NAA60: variants seen among roughly 807,000 people sequenced by gnomAD.
NAA60 encodes the protein N-alpha-acetyltransferase 60, NatF catalytic subunit.
NAA60 carries 8 observed loss-of-function variants against 26.1 expected under a neutral mutation model. The observed-to-expected ratio is 0.31, with a 90% CI of 0.18 to 0.55. The LOEUF is 0.55. NAA60 is among the 20% of genes least tolerant of loss of function. NAA60 has a pLI of 0.93. For missense variants in NAA60, 290 were observed against 311.3 expected, an observed-to-expected ratio of 0.93 and a Z score of 0.51; for synonymous variants, 131 against 122.5, an observed-to-expected ratio of 1.07 and a Z score of -0.46.
intron 2 of NAA60, among the ~76,000 whole-genome samples, chr16:3,470,454 CAGG>C (rs1690829484): frequency 6.6e-6 from 1 of 152,236 alleles, no homozygotes; most frequent in African/African-American, 2.4e-5. Flanking sequence ...TGAAATGACC[CAGG>C]GCGTCAGCAG....
chr16:3,478,693 G>C (rs961561759), intron 3 of NAA60, among the ~76,000 whole-genome samples: 5 of 152,150 alleles, frequency 3.3e-5, no homozygotes, highest in African/African-American at 1.2e-4. Context: ...CCTTAAGGGC[G>C]GGTTCCTCCC....
rs917097994 is a variant in NAA60 at position 3,469,689 on chromosome 16, T to G, written c.-6-6533T>G. Among the ~76,000 whole-genome samples the G allele has an allele frequency of 2.6e-5, 4 of 152,328 alleles. No individual in the cohort carries two copies. In the East Asian group the frequency reaches 7.7e-4, roughly 29 times the overall value. ...CTGCCTGGCGGGGCCTGTCTCTGAC[T>G]TTGCCTTGCTGCTCCCTGTTATCAG... On this transcript the variant is annotated intron_variant, in intron 2 of 7. Transcript: ENST00000407558.
In NAA60 at chr16:3,444,846, A is replaced by C. The variant is rs79024063; in HGVS notation, c.-77+1009A>C. ...CCATCCTAAACTAGTTATTACCAAG[A>C]ATAAATAATTGTTTGGGGCCCATCA... On this transcript the variant is annotated intron_variant, in intron 1 of 7. Coordinates refer to ENST00000407558, the MANE Select transcript of NAA60 (RefSeq NM_001083601.3). Among the ~76,000 whole-genome samples, 548 of 152,322 alleles carry C rather than the reference A, an allele frequency of 3.6e-3. 2 individuals carry two copies. Among genetic ancestry groups the C allele is most frequent in the African/African-American group, 0.012 (519 of 41,568 alleles).
At chr16:3,454,510 T>C (rs1161016293) in intron 2 of NAA60, among the ~76,000 whole-genome samples, 1 of 152,082 alleles carries the variant, frequency 6.6e-6, no homozygotes, top group East Asian at 1.9e-4. Flanking sequence ...AGCAAAACTT[T>C]ATGGAACCAA....
Position 3,448,473 on chromosome 16 carries a change from T to C in NAA60, c.-74T>C, listed in dbSNP as rs563502012. 2 of 1,535,426 alleles carry C rather than the reference T, an allele frequency of 1.3e-6. No homozygotes were observed. Among genetic ancestry groups the C allele is most frequent in the African/African-American group, 1.4e-5 (1 of 73,114 alleles). ...CCTTGTGTCTTTCTCCCCTGCAGCATACAGAAAGGCTGTACCTGGAGGAAG... is the reference window on the plus strand; with the variant it reads ...CCTTGTGTCTTTCTCCCCTGCAGCACACAGAAAGGCTGTACCTGGAGGAAG... On this transcript the variant is annotated splice_region_variant and 5_prime_UTR_variant, in exon 2 of 8. Transcript: ENST00000407558.
chr16:3,463,549 G>A (rs2035548632), intron 2 of NAA60, among the ~76,000 whole-genome samples: 1 of 44,170 alleles, frequency 2.3e-5, no homozygotes, highest in African/African-American at 7.5e-5. Context: ...GAGACCCTGT[G>A]TTAAAAAAAA....
At chr16:3,457,667 C>A (rs1390048790) in intron 2 of NAA60, among the ~76,000 whole-genome samples, 1 of 152,246 alleles carries the variant, frequency 6.6e-6, no homozygotes, top group Non-Finnish European at 1.5e-5. Context: ...AGCCCCGGCG[C>A]TGCAGGCCCT....
intron 2 of NAA60, among the ~76,000 whole-genome samples, chr16:3,462,154 A>G (rs1429629353): frequency 6.6e-6 from 1 of 151,246 alleles, no homozygotes; most frequent in East Asian, 1.9e-4. Flanking sequence ...TAAAAAGCAA[A>G]TGGCATTTCT....
At chr16:3,444,866 C>T (rs957409494) in intron 1 of NAA60, among the ~76,000 whole-genome samples, 7 of 152,154 alleles carry the variant, frequency 4.6e-5, no homozygotes, top group African/African-American at 1.4e-4. Flanking sequence ...TGTTTGGGGC[C>T]CATCATGCTT....
intron 1 of NAA60, among the ~76,000 whole-genome samples, chr16:3,446,621 T>TG: frequency 6.7e-6 from 1 of 148,986 alleles, no homozygotes; most frequent in Non-Finnish European, 1.5e-5. Flanking sequence ...TATTATTTGT[T>TG]TTTTTTTTTT....
chr16:3,450,593 G>A lies in NAA60; in HGVS notation c.-7+2053G>A, dbSNP rs186608947. On this transcript the variant is annotated intron_variant, in intron 2 of 7. Transcript: ENST00000407558. The stretch of plus-strand genomic sequence containing the variant: ...TGGGCACCTGTGGTCCCAGCTACTC[G>A]GGAGGCTGAGGCAGGAGAATGGTGT... Among the ~76,000 whole-genome samples the A allele has an allele frequency of 5.3e-5, 8 of 151,806 alleles. 1 individual carries two copies. The South Asian group carries it at 1.2e-3, about 24-fold the overall frequency.
intron 5 of NAA60, chr16:3,482,913 G>T: frequency 2.0e-6 from 1 of 510,388 alleles, no homozygotes; most frequent in South Asian, 2.2e-5. Flanking sequence ...CGCACAACTC[G>T]TGTATTCACT....
At chr16:3,446,471 C>T (rs1285448124) in intron 1 of NAA60, among the ~76,000 whole-genome samples, 1 of 146,610 alleles carries the variant, frequency 6.8e-6, no homozygotes, top group African/African-American at 2.5e-5. Flanking sequence ...GCGGAGCTTG[C>T]AGTGAGCCGA....
At chr16:3,460,885 T>A (rs1023391059) in intron 2 of NAA60, among the ~76,000 whole-genome samples, 3 of 152,240 alleles carry the variant, frequency 2.0e-5, no homozygotes, top group Non-Finnish European at 2.9e-5. Context: ...GTGCAAAGAA[T>A]GATCCAGGAT....
At chr16:3,457,491 C>A (rs896345033) in intron 2 of NAA60, among the ~76,000 whole-genome samples, 1 of 152,200 alleles carries the variant, frequency 6.6e-6, no homozygotes, top group South Asian at 2.1e-4. Flanking sequence ...ACCCCTACAA[C>A]CGGAGGGCAG....
At chr16:3,482,641 C>G (rs760849632) in intron 5 of NAA60, 43 bp downstream of exon 5, 2 of 1,408,956 alleles carry the variant, frequency 1.4e-6, no homozygotes, top group African/African-American at 1.5e-5. Context: ...ACCCCACCCC[C>G]TTGCCCTACC....
rs956476950 is a variant in NAA60 at position 3,485,896 on chromosome 16, G to A, written c.*636G>A. On this transcript the variant is annotated 3_prime_UTR_variant, in exon 8 of 8. Coordinates refer to ENST00000407558, the MANE Select transcript of NAA60 (RefSeq NM_001083601.3). ...TGAGGCTCAGCCCCCTGGCACAGGC[G>A]GTCACGCATCAGGACGGTTCCTACT... is the stretch of plus-strand genomic sequence containing the variant. 1.1e-5 allele frequency: 4 copies of A among 354,306 alleles called. No homozygotes were observed. The highest frequency in any genetic ancestry group is 4.2e-5 in the South Asian group (2 of 47,956). 21.9% of individuals were successfully genotyped at this position (354,306 alleles called of 1,614,324 possible).
chr16:3,465,940 G>A (rs78310980), intron 2 of NAA60, among the ~76,000 whole-genome samples: 9,179 of 152,224 alleles, frequency 0.06, 358 homozygotes, highest in Middle Eastern at 0.085. Context: ...AATGTAAGGC[G>A]TGACAGAACG....
At chr16:3,454,350 C>G (rs962015820) in intron 2 of NAA60, among the ~76,000 whole-genome samples, 1 of 151,984 alleles carries the variant, frequency 6.6e-6, no homozygotes, top group African/African-American at 2.4e-5. Flanking sequence ...AGACCCATGG[C>G]CAGAGGGTGA....
Sources: allele counts gnomAD v4.1 joint callset (sites outside exome capture counted in the v4.1 genomes callset), GRCh38; gene constraint gnomAD v4.1.1; transcripts MANE v1.5; gene names NCBI Gene and HGNC (gene_info 2026-07-23, HGNC 2026-07-21).